The following QRFPR variants were observed in gnomAD, a reference collection of about 807,000 sequenced individuals.
QRFPR encodes the protein pyroglutamylated RF-amide peptide receptor.
A neutral mutation model predicts 31.3 loss-of-function variants in QRFPR; 37 were observed. The observed-to-expected ratio is 1.18, with a 90% CI of 0.91 to 1.56. QRFPR has a LOEUF of 1.56. Ranked by LOEUF, QRFPR falls within the 40% of genes most tolerant of loss-of-function variation. The pLI is 0.00. For synonymous variants in QRFPR, 197 were observed against 192.0 expected (o/e 1.03, Z -0.22); for missense variants, 542 against 532.5 (o/e 1.02, Z -0.18).
At position 121,380,395 on chromosome 4, in the gene QRFPR, A is replaced by G. The variant is rs928123566; in HGVS notation, c.253T>C (p.Cys85Arg). The stretch of plus-strand genomic sequence containing the variant: ...AGCAGGTCACTGAGCGCCAAGGAGC[A>G]GATAAAGATGTTGGTGACGGTGCGC... ...AMRTVTNIFI[C>R]SLALSDLLIT... Residue 85 changes from cysteine (C) to arginine (R), a missense_variant, in exon 1 of 6, where the codon TGC (cysteine) becomes CGC (arginine). Physicochemically the swap from Cys to Arg is radical, Grantham distance 180. Coordinates refer to ENST00000394427, the MANE Select transcript of QRFPR (RefSeq NM_198179.3). 1.2e-6 allele frequency: 2 copies of G among 1,614,122 alleles called. No individual in the cohort carries two copies. Among genetic ancestry groups the G allele is most frequent in the Admixed American group, 3.3e-5 (2 of 60,014 alleles).
intron 1 of QRFPR, among the ~76,000 whole-genome samples, chr4:121,363,697 A>C (rs540454539): frequency 2.7e-5 from 4 of 150,388 alleles, no homozygotes; most frequent in African/African-American, 7.4e-5. Flanking sequence ...AGAAAGTAGA[A>C]AACCTGAAGA....
chr4:121,332,417 G>C (rs1048431426), intron 4 of QRFPR, among the ~76,000 whole-genome samples: 11 of 152,172 alleles, frequency 7.2e-5, no homozygotes, highest in Non-Finnish European at 1.2e-4. Flanking sequence ...GATTAACTAA[G>C]GATGGATGTT....
At chr4:121,346,047 G>T (rs1318878340) in intron 1 of QRFPR, among the ~76,000 whole-genome samples, 1 of 140,338 alleles carries the variant, frequency 7.1e-6, no homozygotes, top group Admixed American at 7.2e-5. Flanking sequence ...AGTATCTAAT[G>T]ATAATAATTA....
At chr4:121,349,574 T>A (rs1179421294) in intron 1 of QRFPR, among the ~76,000 whole-genome samples, 2 of 152,194 alleles carry the variant, frequency 1.3e-5, no homozygotes, top group African/African-American at 4.8e-5. Context: ...GTCAGTCTCA[T>A]CTTAAATCCA....
At chr4:121,379,192 A>C (rs1726419935) in intron 1 of QRFPR, among the ~76,000 whole-genome samples, 1 of 152,248 alleles carries the variant, frequency 6.6e-6, no homozygotes, top group African/African-American at 2.4e-5. Context: ...TTTACATTAT[A>C]GATTGATAAG....
intron 1 of QRFPR, among the ~76,000 whole-genome samples, chr4:121,353,665 G>T (rs907150591): frequency 1.3e-5 from 2 of 151,936 alleles, no homozygotes; most frequent in East Asian, 3.9e-4. Context: ...TGTGGGTTAC[G>T]TTTTCACTTT....
At chr4:121,333,578 A>G (rs1024539547) in intron 3 of QRFPR, among the ~76,000 whole-genome samples, 1 of 152,218 alleles carries the variant, frequency 6.6e-6, no homozygotes, top group Non-Finnish European at 1.5e-5. Flanking sequence ...AAGATATTAA[A>G]GAGGCAACTG....
intron 1 of QRFPR, among the ~76,000 whole-genome samples, chr4:121,373,723 G>T (rs1726297606): frequency 6.6e-6 from 1 of 152,138 alleles, no homozygotes; most frequent in Non-Finnish European, 1.5e-5. Flanking sequence ...TAAGCTCTCT[G>T]TTCTGAATTG....
chr4:121,365,666 T>TATATATTA (rs1364817068), intron 1 of QRFPR, among the ~76,000 whole-genome samples: 1 of 29,514 alleles, frequency 3.4e-5, no homozygotes, highest in Non-Finnish European at 5.2e-5. Flanking sequence ...TATATATATT[T>TATATATTA]TATATATTAT....
intron 1 of QRFPR, among the ~76,000 whole-genome samples, chr4:121,365,521 A>ATAT (rs1560743481): frequency 4.4e-4 from 3 of 6,854 alleles, no homozygotes; most frequent in African/African-American, 3.9e-3. Context: ...TATATATTAT[A>ATAT]TATATTATAT....
chr4:121,337,068 T>G (rs759643394), intron 2 of QRFPR, among the ~76,000 whole-genome samples, 200 bp from the exon 3 acceptor site: 11 of 152,368 alleles, frequency 7.2e-5, no homozygotes, highest in Middle Eastern at 3.4e-3. Context: ...CTAAAACAAG[T>G]TTTAAACATT....
chr4:121,354,892 C>G (rs1204530327), intron 1 of QRFPR, among the ~76,000 whole-genome samples: 3 of 152,104 alleles, frequency 2.0e-5, no homozygotes, highest in African/African-American at 7.2e-5. Context: ...ATAGGTTGAA[C>G]TATCCTTGCA....
At chr4:121,365,599 TA>T (rs1560744046) in intron 1 of QRFPR, among the ~76,000 whole-genome samples, 99 of 7,666 alleles carry the variant, frequency 0.013, 4 homozygotes, top group African/African-American at 0.025. Context: ...ATTATATATA[TA>T]TAATATATAT....
At chr4:121,376,527 T>C (rs1319262289) in intron 1 of QRFPR, among the ~76,000 whole-genome samples, 1 of 150,828 alleles carries the variant, frequency 6.6e-6, no homozygotes, top group Non-Finnish European at 1.5e-5. Flanking sequence ...AAAGCAACTG[T>C]TTGATTTCTG....
intron 1 of QRFPR, among the ~76,000 whole-genome samples, chr4:121,344,555 T>C (rs1034568726): frequency 1.2e-4 from 19 of 152,202 alleles, no homozygotes; most frequent in African/African-American, 4.3e-4. Flanking sequence ...ATGTAATTTA[T>C]CTAGGATGTA....
In QRFPR at chr4:121,363,670, G is replaced by C. The variant is rs1052632751; in HGVS notation, c.340+16638C>G. ...GCCATATGGTAAGAGTAAGAGTGAG[G>C]GGCCACAGGGACTATGAGAAAGTAG... On this transcript the variant is annotated intron_variant, in intron 1 of 5. Transcript: ENST00000394427. Among the ~76,000 whole-genome samples, 4 of 149,908 alleles carry C rather than the reference G, an allele frequency of 2.7e-5. 1 individual carries two copies. The highest frequency in any genetic ancestry group is 9.9e-5 in the African/African-American group (4 of 40,446).
intron 1 of QRFPR, among the ~76,000 whole-genome samples, chr4:121,342,862 C>T (rs1465049305): frequency 6.6e-6 from 1 of 152,156 alleles, no homozygotes; most frequent in African/African-American, 2.4e-5. Context: ...GGAAAAAGTG[C>T]TTTTAAATTC....
intron 2 of QRFPR, among the ~76,000 whole-genome samples, chr4:121,338,722 G>A (rs1400657564): frequency 2.0e-5 from 3 of 152,200 alleles, no homozygotes; most frequent in Non-Finnish European, 4.4e-5. Flanking sequence ...AGCTACAGGA[G>A]ACATTAGACC....
intron 1 of QRFPR, among the ~76,000 whole-genome samples, chr4:121,378,407 C>CT (rs34846492): frequency 0.019 from 1,921 of 100,894 alleles, 50 homozygotes; most frequent in African/African-American, 0.042. Flanking sequence ...GCTCACTGCA[C>CT]TTTTTTTTTT....
Sources: gnomAD v4.1 joint callset for allele counts (sites outside exome capture counted in the v4.1 genomes callset) on GRCh38, gnomAD v4.1.1 for gene constraint, MANE v1.5 for transcripts, NCBI Gene and HGNC (gene_info 2026-07-23, HGNC 2026-07-21) for gene names.